The following CTDSPL2 variants were observed in gnomAD, a reference collection of about 807,000 sequenced individuals.
CTDSPL2 encodes CTD small phosphatase like 2, also known as CTD small phosphatase-like protein 2.
CTDSPL2 carries 5 observed loss-of-function variants against 60.0 expected under a neutral mutation model. The observed-to-expected ratio is 0.08, with a 90% confidence interval of 0.04 to 0.18. The LOEUF (loss-of-function observed/expected upper bound fraction) is 0.18. Among genes scored for constraint, CTDSPL2 ranks in the 10% least tolerant of loss-of-function variants. The pLI, the probability that CTDSPL2 is intolerant of heterozygous loss-of-function variation, is 1.00. For synonymous variants in CTDSPL2, 186 were observed against 189.3 expected (o/e 0.98, Z 0.14); for missense variants, 370 against 548.8 (o/e 0.67, Z 3.26).
chr15:44,516,074 C>A (rs2081649759), intron 10 of CTDSPL2, among the ~76,000 whole-genome samples: 1 of 147,694 alleles, frequency 6.8e-6, no homozygotes, highest in South Asian at 2.2e-4. Context: ...TTAAAAGATT[C>A]TCCTGCCTCA....
rs924111095 is a variant in CTDSPL2 at position 44,434,929 on chromosome 15, CCACCTGTCTTTAT to C, written c.-25+7161_-25+7173del. Among the ~76,000 whole-genome samples the C allele has an allele frequency of 1.4e-3, 218 of 152,182 alleles. 1 individual carries two copies. Among genetic ancestry groups the C allele is most frequent in the African/African-American group, 5.2e-3 (214 of 41,536 alleles). On this transcript the variant is annotated intron_variant, in intron 1 of 12. Transcript: ENST00000260327. ...CAGAAATATTGATGATCCAGAAAGA[CCACCTGTCTTTAT>C]CACACACTTTGTTGTGAATAGGATT...
intron 1 of CTDSPL2, chr15:44,448,614 A>G: frequency 3.3e-6 from 1 of 305,542 alleles, no homozygotes; most frequent in South Asian, 3.3e-5. Context: ...CATTTTCCAT[A>G]CCGCCACCAT....
rs1300168510 is a variant in CTDSPL2, at chr15:44,450,108, T to C, written c.-24-8883T>C. On this transcript the variant is annotated intron_variant, in intron 1 of 12. Transcript: ENST00000260327. The stretch of plus-strand genomic sequence containing the variant: ...TCTTCAGGAATGCTACCTGAGGTGT[T>C]TTTGCTGTGGTTGGAGAGGTTGAAT... Among the ~76,000 whole-genome samples, 3 of 152,126 alleles carry C rather than the reference T, an allele frequency of 2.0e-5. No individual in the cohort carries two copies. The East Asian group carries it at 5.8e-4, about 29-fold the overall frequency.
intron 1 of CTDSPL2, chr15:44,448,842 C>T (rs545905465): frequency 2.6e-4 from 96 of 375,000 alleles, no homozygotes; most frequent in Middle Eastern, 1.9e-3. Context: ...CGGTCTCATC[C>T]GTCTTTACCT....
intron 1 of CTDSPL2, among the ~76,000 whole-genome samples, chr15:44,457,843 T>G (rs1326562176): frequency 2.0e-5 from 3 of 152,172 alleles, no homozygotes; most frequent in African/African-American, 7.2e-5. Flanking sequence ...AACTCCTGAC[T>G]TCAGGTGAGC....
intron 8 of CTDSPL2, among the ~76,000 whole-genome samples, chr15:44,504,198 A>G (rs1410481823): frequency 6.6e-6 from 1 of 152,202 alleles, no homozygotes; most frequent in African/African-American, 2.4e-5. Context: ...AAAATAAAAA[A>G]AATTAGCCGG....
rs148040012 is a variant in CTDSPL2 at position 44,469,330 on chromosome 15, A to AT, written c.186+10131dup. Among the ~76,000 whole-genome samples, 682 of 152,312 alleles carry AT rather than the reference A, an allele frequency of 4.5e-3. 4 individuals carry two copies. The highest frequency in any genetic ancestry group is 0.016 in the African/African-American group (648 of 41,564). On this transcript the variant is annotated intron_variant, in intron 2 of 12. Coordinates refer to ENST00000260327, the MANE Select transcript of CTDSPL2 (RefSeq NM_016396.3). The stretch of plus-strand genomic sequence containing the variant: ...CTCCAACCATTTATAAGTACAAAAA[A>AT]TATTTTTACTTTCTTGCCCATATGA...
At chr15:44,455,577 T>C (rs1250946544) in intron 1 of CTDSPL2, among the ~76,000 whole-genome samples, 1 of 152,166 alleles carries the variant, frequency 6.6e-6, no homozygotes, top group Non-Finnish European at 1.5e-5. Flanking sequence ...TAGCTCTTAT[T>C]ATTTTGAGAT....
At chr15:44,523,987 C>A in intron 12 of CTDSPL2, 122 bp from the exon 13 acceptor site, 2 of 717,560 alleles carry the variant, frequency 2.8e-6, no homozygotes, top group South Asian at 1.7e-5. Context: ...CTCTATTTGG[C>A]AAATAAAATA....
intron 8 of CTDSPL2, among the ~76,000 whole-genome samples, chr15:44,510,226 G>C (rs1802665538): frequency 6.6e-6 from 1 of 152,048 alleles, no homozygotes; most frequent in African/African-American, 2.4e-5. Context: ...TCAAACTCCT[G>C]ACCTCAGGCG....
chr15:44,512,067 T>C (rs78101719), intron 8 of CTDSPL2, among the ~76,000 whole-genome samples: 3,341 of 151,856 alleles, frequency 0.022, 54 homozygotes, highest in Non-Finnish European at 0.032. Context: ...CATGGTGTTA[T>C]GCACTTGTCA....
chr15:44,496,171 G>C (rs980843415), intron 5 of CTDSPL2, among the ~76,000 whole-genome samples: 1 of 152,010 alleles, frequency 6.6e-6, no homozygotes, highest in African/African-American at 2.4e-5. Context: ...CCATGATCTG[G>C]TTTGCCATTT....
At chr15:44,456,867 TTTTTTTTTTTG>T in intron 1 of CTDSPL2, among the ~76,000 whole-genome samples, 1 of 141,924 alleles carries the variant, frequency 7.0e-6, no homozygotes, top group South Asian at 2.2e-4. Context: ...TTTTTTTTTC[TTTTTTTTTTTG>T]TTTTTTTTTC....
intron 8 of CTDSPL2, among the ~76,000 whole-genome samples, chr15:44,501,444 A>G (rs1555438466): frequency 1.3e-5 from 2 of 151,912 alleles, no homozygotes; most frequent in Non-Finnish European, 2.9e-5. Context: ...ATAAAATTGA[A>G]TTTTTTTCTT....
intron 8 of CTDSPL2, among the ~76,000 whole-genome samples, chr15:44,506,337 C>A (rs931937394): frequency 6.6e-6 from 1 of 151,164 alleles, no homozygotes; most frequent in Non-Finnish European, 1.5e-5. Context: ...ATGCCCAGCC[C>A]CATTGGTAAC....
At chr15:44,498,453 T>TAG (rs2081336962) in intron 7 of CTDSPL2, among the ~76,000 whole-genome samples, 1 of 151,884 alleles carries the variant, frequency 6.6e-6, no homozygotes, top group Non-Finnish European at 1.5e-5. Context: ...GAGCCTGGTG[T>TAG]TGCAAGCGTG....
At chr15:44,455,997 C>T (rs1311155341) in intron 1 of CTDSPL2, among the ~76,000 whole-genome samples, 4 of 151,116 alleles carry the variant, frequency 2.6e-5, no homozygotes, top group Admixed American at 6.6e-5. Context: ...ACTACAGGCG[C>T]CCGCCACCTC....
chr15:44,514,301 A>G (rs559289864), intron 8 of CTDSPL2, among the ~76,000 whole-genome samples: 1 of 152,290 alleles, frequency 6.6e-6, no homozygotes, highest in African/African-American at 2.4e-5. Context: ...TCAGAGGGAA[A>G]CTTTCCATTT....
chr15:44,505,110 A>T (rs542562767), intron 8 of CTDSPL2, among the ~76,000 whole-genome samples: 1 of 152,300 alleles, frequency 6.6e-6, no homozygotes, highest in East Asian at 1.9e-4. Context: ...TCTAAAATGT[A>T]TCTTTCAAAA....
Sources: allele counts gnomAD v4.1 joint callset (sites outside exome capture counted in the v4.1 genomes callset), GRCh38; gene constraint gnomAD v4.1.1; transcripts MANE v1.5; gene names NCBI Gene and HGNC (gene_info 2026-07-23, HGNC 2026-07-21).